The following TRIM3 variants were observed in gnomAD, a reference collection of about 807,000 sequenced individuals.
TRIM3 encodes tripartite motif-containing protein 3.
In TRIM3, 13 loss-of-function variants were observed where a neutral mutation model predicts 66.6. The observed-to-expected ratio is 0.20, with a 90% CI of 0.13 to 0.31. The LOEUF is 0.31. Among genes scored for constraint, TRIM3 ranks in the 10% least tolerant of loss-of-function variants. TRIM3 has a pLI of 1.00. For synonymous variants in TRIM3, 406 were observed against 411.7 expected (o/e 0.99, Z 0.17); for missense variants, 711 against 1,020.4 (o/e 0.70, Z 4.13).
Position 6,457,323 on chromosome 11 carries a change from C to T in TRIM3, c.669G>A (p.Leu223=), listed in dbSNP as rs748140665. The part of the protein sequence containing the change: ...QQRKQALVSD[L]ETICGAKQKV... ...TCTGTTTGGCCCCACAAATGGTCTC[C>T]AGGTCGCTGACCAGAGCCTGCTTGC... Residue 223 remains leucine, a synonymous_variant, in exon 5 of 12, where the codon CTG becomes CTA. Coordinates refer to ENST00000345851, the MANE Select transcript of TRIM3 (RefSeq NM_033278.4). The surrounding 1 kb of genome is among the most constrained non-coding windows in gnomAD (Gnocchi z 4.5). 1.6e-5 allele frequency: 26 copies of T among 1,614,048 alleles called. No individual in the cohort carries two copies. Among genetic ancestry groups the T allele is most frequent in the Non-Finnish European group, 2.2e-5 (26 of 1,180,040 alleles).
chr11:6,459,623 A>G (rs1319364639), intron 2 of TRIM3, among the ~76,000 whole-genome samples: 1 of 152,226 alleles, frequency 6.6e-6, no homozygotes, highest in Non-Finnish European at 1.5e-5. Context: ...TCTTACAATC[A>G]TCTAGGTAGG....
intron 2 of TRIM3, among the ~76,000 whole-genome samples, chr11:6,462,627 C>T (rs1382199497): frequency 6.6e-6 from 1 of 152,030 alleles, no homozygotes; most frequent in Admixed American, 6.5e-5. Flanking sequence ...TCCCAAGCTA[C>T]TCTGGAACTC....
chr11:6,471,888 G>A (rs1295387569), intron 1 of TRIM3, among the ~76,000 whole-genome samples: 1 of 151,752 alleles, frequency 6.6e-6, no homozygotes, highest in Non-Finnish European at 1.5e-5. Flanking sequence ...TGGAACAGAT[G>A]GACAAGATTG....
At chr11:6,462,057 T>C (rs1850266833) in intron 2 of TRIM3, among the ~76,000 whole-genome samples, 1 of 152,192 alleles carries the variant, frequency 6.6e-6, no homozygotes, top group Non-Finnish European at 1.5e-5. Flanking sequence ...CTCAAGGCCT[T>C]TGCACAGATT....
chr11:6,465,635 C>A lies in TRIM3; in HGVS notation c.61G>T (p.Val21Leu). The change falls in exon 2 of 12, where the codon GTA (valine) becomes TTA (leucine). Residue 21 changes from valine (V) to leucine (L), a missense_variant. Transcript: ENST00000345851. The part of the protein sequence containing the change: ...EVQPMDKQFL[V>L]CSICLDRYQC... Reference sequence around the variant, plus strand: ...TACCGATCCAGGCAGATGCTGCATACCAGGAACTGCTTGTCCATTGGCTGG... The same window carrying A: ...TACCGATCCAGGCAGATGCTGCATAACAGGAACTGCTTGTCCATTGGCTGG... The A allele has an allele frequency of 6.2e-7, 1 of 1,614,172 alleles. No individual in the cohort carries two copies.
rs540051695 is a variant in TRIM3, at chr11:6,465,101, A to G, written c.131+464T>C. Among the ~76,000 whole-genome samples, 3 of 151,980 alleles carry G rather than the reference A, an allele frequency of 2.0e-5. No individual in the cohort carries two copies. The South Asian group carries it at 6.2e-4, about 32-fold the overall frequency. On this transcript the variant is annotated intron_variant, in intron 2 of 11. Transcript: ENST00000345851. Reference sequence around the variant, plus strand: ...CATAGTAGTTGCTCAATAAATGAATATTTGTTAAATGAATAAGTGATCCAT... The same window carrying G: ...CATAGTAGTTGCTCAATAAATGAATGTTTGTTAAATGAATAAGTGATCCAT...
At position 6,457,091 on chromosome 11, in the gene TRIM3, C is replaced by T. The variant is rs1024112322; in HGVS notation, c.697-62G>A. On this transcript the variant is annotated intron_variant, in intron 5 of 11. Coordinates refer to ENST00000345851, the MANE Select transcript of TRIM3 (RefSeq NM_033278.4). This position sits in a 1 kb window ranked among gnomAD's most constrained non-coding sequence, Gnocchi z 4.5. ...GGCACAGGGGGAGTCTCTGTGATTACTGAAGTTGTAGCACTGTGGCATAAA... is the reference window on the plus strand; with the variant it reads ...GGCACAGGGGGAGTCTCTGTGATTATTGAAGTTGTAGCACTGTGGCATAAA... The T allele has an allele frequency of 6.5e-7, 1 of 1,546,190 alleles. No homozygotes were observed. The highest frequency in any genetic ancestry group is 8.7e-7 in the Non-Finnish European group (1 of 1,147,912).
Position 6,457,945 on chromosome 11 carries a change from CCCTA to C in TRIM3, c.364-102_364-99del. On this transcript the variant is annotated intron_variant, in intron 3 of 11. Transcript: ENST00000345851. This position sits in a 1 kb window ranked among gnomAD's most constrained non-coding sequence, Gnocchi z 4.5. ...CTGCCCCTCACCTTCTAAGTGCACC[CCCTA>C]CCTGGACCACTAATCCAGAGCAGTA... 5 of 1,560,590 alleles carry C rather than the reference CCCTA, an allele frequency of 3.2e-6. No homozygotes were observed. The South Asian group carries it at 6.0e-5, about 19-fold the overall frequency.
At chr11:6,466,203 C>T (rs1200107121) in intron 1 of TRIM3, among the ~76,000 whole-genome samples, 1 of 152,122 alleles carries the variant, frequency 6.6e-6, no homozygotes, top group Non-Finnish European at 1.5e-5. Context: ...TACCCTGACC[C>T]ACCTCTTAGC....
chr11:6,468,431 T>C (rs1004061176), intron 1 of TRIM3, among the ~76,000 whole-genome samples: 3 of 152,112 alleles, frequency 2.0e-5, no homozygotes, highest in Non-Finnish European at 4.4e-5. Context: ...TGAGAAGACA[T>C]GAGCCCACCT....
chr11:6,465,524 C>A (rs1286707458), intron 2 of TRIM3, 41 bp downstream of exon 2: 2 of 1,611,762 alleles, frequency 1.2e-6, no homozygotes, highest in South Asian at 2.2e-5. Context: ...TCATCCTCCC[C>A]ACAGGGTCCT....
intron 1 of TRIM3, among the ~76,000 whole-genome samples, chr11:6,467,882 G>A (rs1002802250): frequency 1.3e-5 from 2 of 152,216 alleles, no homozygotes; most frequent in Non-Finnish European, 2.9e-5. Flanking sequence ...AAGACAAAGA[G>A]AAGCCAGAGT....
Position 6,450,660 on chromosome 11 carries a change from A to G in TRIM3, c.1871-39T>C. ...GTGGTCTTCAGGGCAGTAAGCTGGG[A>G]TGCTGAGTGGGATGGGGAAGAGTAT... On this transcript the variant is annotated intron_variant, in intron 9 of 11. Coordinates refer to ENST00000345851, the MANE Select transcript of TRIM3 (RefSeq NM_033278.4). This position sits in a 1 kb window ranked among gnomAD's most constrained non-coding sequence, Gnocchi z 4.8. 6.3e-7 allele frequency: 1 copy of G among 1,591,088 alleles called. No homozygotes were observed. The highest frequency in any genetic ancestry group is 8.6e-7 in the Non-Finnish European group (1 of 1,159,228).
chr11:6,465,321 G>A (rs1446129432), intron 2 of TRIM3, among the ~76,000 whole-genome samples: 1 of 152,212 alleles, frequency 6.6e-6, no homozygotes, highest in Non-Finnish European at 1.5e-5. Context: ...GGAAAGGACA[G>A]AGAAGGCCCT....
intron 7 of TRIM3, 151 bp downstream of exon 7, chr11:6,455,921 G>A (rs1849945979): frequency 1.3e-6 from 1 of 769,694 alleles, no homozygotes. Context: ...GGGTGCGTAA[G>A]GGGTGATCCT....
intron 7 of TRIM3, among the ~76,000 whole-genome samples, chr11:6,454,567 C>T (rs1454197105): frequency 1.3e-5 from 2 of 152,090 alleles, no homozygotes; most frequent in Non-Finnish European, 1.5e-5. Context: ...TGGAAAGGAG[C>T]TGGAAGGTGT....
At chr11:6,474,063 C>T (rs1368422793), upstream of TRIM3, 1 of 150,180 alleles carries the variant, frequency 6.7e-6, no homozygotes, top group Non-Finnish European at 1.5e-5. Context: ...GCCTGCCCAC[C>T]CCTACCGCAC....
At chr11:6,462,935 G>A (rs75784934) in intron 2 of TRIM3, among the ~76,000 whole-genome samples, 28,120 of 151,942 alleles carry the variant, frequency 0.19, 2,804 homozygotes, top group African/African-American at 0.25. Context: ...AGCTGGGCAC[G>A]GTGACTCACG....
chr11:6,466,227 A>G (rs1325566778), intron 1 of TRIM3, among the ~76,000 whole-genome samples: 1 of 152,020 alleles, frequency 6.6e-6, no homozygotes, highest in Non-Finnish European at 1.5e-5. Flanking sequence ...ACTGCCTGAA[A>G]CTGCACTCTT....
Sources: allele counts gnomAD v4.1 joint callset (sites outside exome capture counted in the v4.1 genomes callset), GRCh38; gene constraint gnomAD v4.1.1; non-coding constraint Gnocchi (gnomAD v3.1); transcripts MANE v1.5; gene names NCBI Gene and HGNC (gene_info 2026-07-23, HGNC 2026-07-21).